The following UBE2E2 variants were observed in gnomAD, a reference collection of about 807,000 sequenced individuals.
UBE2E2 encodes the protein ubiquitin-conjugating enzyme E2 E2.
Under a neutral mutation model 24.7 loss-of-function variants are expected in UBE2E2, and 6 were observed. The ratio of observed to expected loss-of-function variants is 0.24; its 90% CI spans 0.13 to 0.48. The LOEUF (loss-of-function observed/expected upper bound fraction) is 0.48. Among genes scored for constraint, UBE2E2 ranks in the 20% least tolerant of loss-of-function variants. The probability of loss-of-function intolerance (pLI) is 0.99; values close to 1 mark genes in which losing one functional copy is unlikely to be tolerated. For missense variants in UBE2E2, 169 were observed against 245.0 expected (o/e 0.69, Z 2.07); for synonymous variants, 104 against 83.6 (o/e 1.24, Z -1.33).
At chr3:23,344,821 T>TA (rs35630756) in intron 3 of UBE2E2, among the ~76,000 whole-genome samples, 69 of 147,460 alleles carry the variant, frequency 4.7e-4, no homozygotes, top group East Asian at 6.0e-4. Flanking sequence ...CAGTCTGTAT[T>TA]AAAAAAAAAA....
chr3:23,225,543 G>A (rs548008307), intron 3 of UBE2E2, among the ~76,000 whole-genome samples: 4 of 151,568 alleles, frequency 2.6e-5, no homozygotes, highest in Admixed American at 6.6e-5. Flanking sequence ...AGCACCATTC[G>A]TTGAAAAGAC....
At chr3:23,455,355 T>A (rs1698655410) in intron 3 of UBE2E2, among the ~76,000 whole-genome samples, 1 of 152,216 alleles carries the variant, frequency 6.6e-6, no homozygotes. Context: ...ATGTTTATAC[T>A]GTATTGTAGC....
At chr3:23,250,515 G>A (rs754969284) in intron 3 of UBE2E2, among the ~76,000 whole-genome samples, 1 of 152,038 alleles carries the variant, frequency 6.6e-6, no homozygotes, top group African/African-American at 2.4e-5. Context: ...CTATATTTTA[G>A]TATTGTTTCC....
intron 3 of UBE2E2, among the ~76,000 whole-genome samples, chr3:23,243,192 A>G (rs1057212145): frequency 6.6e-6 from 1 of 152,212 alleles, no homozygotes; most frequent in Non-Finnish European, 1.5e-5. Flanking sequence ...GAAAATCTCC[A>G]AAGGACGCCA....
At chr3:23,410,518 C>T (rs1414633958) in intron 3 of UBE2E2, among the ~76,000 whole-genome samples, 1 of 152,066 alleles carries the variant, frequency 6.6e-6, no homozygotes, top group Admixed American at 6.6e-5. Flanking sequence ...TCTAATAAGC[C>T]TTGCAGTTTA....
chr3:23,496,993 A>G (rs1055849067), intron 3 of UBE2E2, among the ~76,000 whole-genome samples: 19 of 152,232 alleles, frequency 1.2e-4, no homozygotes, highest in African/African-American at 4.3e-4. Flanking sequence ...ATATGTATAT[A>G]TGCTGTATTC....
At chr3:23,368,235 G>A (rs1055124323) in intron 3 of UBE2E2, among the ~76,000 whole-genome samples, 2 of 152,122 alleles carry the variant, frequency 1.3e-5, no homozygotes, top group Non-Finnish European at 2.9e-5. Context: ...GGTAGATTGT[G>A]AAATGGCAAA....
chr3:23,248,401 C>T (rs6792370), intron 3 of UBE2E2, among the ~76,000 whole-genome samples: 26,521 of 152,146 alleles, frequency 0.17, 2,496 homozygotes, highest in South Asian at 0.29. Context: ...AAAAGTTAGG[C>T]GATCAGGTGG....
chr3:23,487,188 G>C (rs1475967348), intron 3 of UBE2E2, among the ~76,000 whole-genome samples: 1 of 152,182 alleles, frequency 6.6e-6, no homozygotes, highest in African/African-American at 2.4e-5. Context: ...CACCCAGCTC[G>C]GTCGCAGCAG....
intron 3 of UBE2E2, among the ~76,000 whole-genome samples, chr3:23,252,741 C>T (rs1220748725): frequency 2.0e-5 from 3 of 152,206 alleles, no homozygotes; most frequent in Non-Finnish European, 4.4e-5. Context: ...TGGTGATCCA[C>T]CCACCTCGGT....
intron 3 of UBE2E2, among the ~76,000 whole-genome samples, chr3:23,225,206 A>G (rs1391974439): frequency 1.3e-5 from 2 of 151,026 alleles, no homozygotes; most frequent in Non-Finnish European, 2.9e-5. Flanking sequence ...TGTACATCAG[A>G]TATATAATTT....
chr3:23,310,317 A>G (rs1694340965), intron 3 of UBE2E2, among the ~76,000 whole-genome samples: 1 of 116,708 alleles, frequency 8.6e-6, no homozygotes, highest in Non-Finnish European at 1.9e-5. Flanking sequence ...TTTTTTTTAC[A>G]AAAATTCTGC....
chr3:23,382,181 T>TC (rs1320108778), intron 3 of UBE2E2, among the ~76,000 whole-genome samples: 1 of 143,148 alleles, frequency 7.0e-6, no homozygotes, highest in African/African-American at 2.6e-5. Context: ...TACTTTAATT[T>TC]TTTTTTTTTT....
intron 3 of UBE2E2, among the ~76,000 whole-genome samples, chr3:23,356,523 T>C (rs936307013): frequency 6.6e-6 from 1 of 152,172 alleles, no homozygotes; most frequent in Non-Finnish European, 1.5e-5. Context: ...CCTGAAAACT[T>C]ATCCCGAATT....
At chr3:23,456,835 G>A (rs936830894) in intron 3 of UBE2E2, among the ~76,000 whole-genome samples, 1 of 152,184 alleles carries the variant, frequency 6.6e-6, no homozygotes, top group African/African-American at 2.4e-5. Context: ...TAACAAGAGG[G>A]TCAGCCTGTC....
At chr3:23,292,571 T>G (rs1698797563) in intron 3 of UBE2E2, among the ~76,000 whole-genome samples, 1 of 152,156 alleles carries the variant, frequency 6.6e-6, no homozygotes, top group Admixed American at 6.5e-5. Context: ...TCATAAATAG[T>G]TAGCAACAAT....
chr3:23,441,708 T>C (rs1698309922), intron 3 of UBE2E2, among the ~76,000 whole-genome samples: 2 of 152,182 alleles, frequency 1.3e-5, no homozygotes, highest in Non-Finnish European at 2.9e-5. Flanking sequence ...TGTCTCATCT[T>C]TAAGTTATAG....
At chr3:23,247,096 C>T (rs556938511) in intron 3 of UBE2E2, among the ~76,000 whole-genome samples, 37 of 152,218 alleles carry the variant, frequency 2.4e-4, no homozygotes, top group Non-Finnish European at 4.3e-4. Flanking sequence ...CCCAAGCAGT[C>T]CTCCTGCCTC....
At chr3:23,429,638 G>C (rs1178800002) in intron 3 of UBE2E2, among the ~76,000 whole-genome samples, 1 of 152,160 alleles carries the variant, frequency 6.6e-6, no homozygotes, top group African/African-American at 2.4e-5. Context: ...ACAACATTCT[G>C]CTCTTACAGC....
Sources: gnomAD v4.1 joint callset for allele counts (sites outside exome capture counted in the v4.1 genomes callset) on GRCh38, gnomAD v4.1.1 for gene constraint, MANE v1.5 for transcripts, NCBI Gene and HGNC (gene_info 2026-07-23, HGNC 2026-07-21) for gene names.